Variants in TUBA3D observed in about 807,000 individuals in gnomAD.
The protein encoded by TUBA3D is tubulin alpha 3d.
TUBA3D carries 24 observed loss-of-function variants against 36.1 expected under a neutral mutation model. That is an observed-to-expected ratio of 0.66 (90% CI 0.48 to 0.93). TUBA3D has a LOEUF of 0.93. Among genes scored for constraint, TUBA3D ranks in the 40% least tolerant of loss-of-function variants. The pLI is 0.00. For missense variants in TUBA3D, 356 were observed against 614.5 expected, an observed-to-expected ratio of 0.58 and a Z score of 4.45; for synonymous variants, 185 against 247.2, an observed-to-expected ratio of 0.75 and a Z score of 2.36.
intron 4 of TUBA3D, 56 bp from the exon 5 acceptor site, chr2:131,482,496 C>T: frequency 1.3e-6 from 2 of 1,540,892 alleles, no homozygotes; most frequent in Non-Finnish European, 1.7e-6. Flanking sequence ...AAAGTAGCTA[C>T]CATTTCTAGG....
chr2:131,480,742 G>C lies in TUBA3D; in HGVS notation c.1049G>C (p.Gly350Ala). The C allele has an allele frequency of 2.5e-6, 4 of 1,609,818 alleles. No homozygotes were observed. The highest frequency in any genetic ancestry group is 3.4e-6 in the Non-Finnish European group (4 of 1,176,818). Residue 350 changes from glycine (G) to alanine (A), a missense_variant, in exon 4 of 5, where the codon GGA (glycine) becomes GCA (alanine). Around this residue, in one of 3 missense-constraint regions of TUBA3D, gnomAD observed 156 missense variants for 219.8 expected, o/e 0.71. Transcript: ENST00000321253. ...TIQFVDWCPT[G>A]FKVGINYQPP... is the part of the protein sequence containing the mutation. ...CAGTTTGTGGATTGGTGCCCGACTG[G>C]ATTTAAGGTATGACTGGGTGATGTG... is the stretch of plus-strand genomic sequence containing the variant.
chr2:131,481,168 T>C (rs1427285603), intron 4 of TUBA3D, among the ~76,000 whole-genome samples: 1 of 151,834 alleles, frequency 6.6e-6, no homozygotes, highest in African/African-American at 2.4e-5. Flanking sequence ...CCTCCCAAAG[T>C]GCTGGGATTA....
At chr2:131,480,875 T>C in intron 4 of TUBA3D, 126 bp downstream of exon 4, 3 of 1,351,152 alleles carry the variant, frequency 2.2e-6, no homozygotes, top group Non-Finnish European at 2.0e-6. Flanking sequence ...GGGCATAAAT[T>C]AGTGAACCAG....
intron 3 of TUBA3D, among the ~76,000 whole-genome samples, chr2:131,479,866 G>T (rs958228661): frequency 2.6e-5 from 4 of 152,146 alleles, no homozygotes; most frequent in African/African-American, 9.7e-5. Flanking sequence ...ACTTAGACCA[G>T]CATCTTGAGT....
Position 131,478,162 on chromosome 2 carries a change from A to G in TUBA3D, c.4-2A>G, listed in dbSNP as rs777842519. The stretch of plus-strand genomic sequence containing the variant: ...GGTTCACTTTTATGTTCCTGTTCAC[A>G]GCGCGAGTGTATCTCTATCCACGTG... On this transcript the variant is annotated splice_acceptor_variant, in intron 1 of 4. Coordinates refer to ENST00000321253, the MANE Select transcript of TUBA3D (RefSeq NM_080386.4). LOFTEE classifies it high-confidence loss of function. 165 of 1,611,942 alleles carry G rather than the reference A, an allele frequency of 1.0e-4. No individual in the cohort carries two copies. The highest frequency in any genetic ancestry group is 1.4e-4 in the Non-Finnish European group (161 of 1,178,232).
At chr2:131,480,910 C>CTTT (rs375835410) in intron 4 of TUBA3D, among the ~76,000 whole-genome samples, 161 bp downstream of exon 4, 3 of 146,086 alleles carry the variant, frequency 2.1e-5, no homozygotes, top group African/African-American at 5.0e-5. Context: ...TCAGTGATTT[C>CTTT]TTTTTTTTTT....
rs7561673 is a variant in TUBA3D at position 131,476,182 on chromosome 2, G to A, written c.-18G>A. 157,238 of 1,605,104 alleles carry A rather than the reference G, an allele frequency of 0.098. 12,690 individuals are homozygous for A. Among genetic ancestry groups the A allele is most frequent in the African/African-American group, 0.42 (31,301 of 73,928 alleles). On this transcript the variant is annotated 5_prime_UTR_variant, in exon 1 of 5. Coordinates refer to ENST00000321253, the MANE Select transcript of TUBA3D (RefSeq NM_080386.4). ...TGAGGTCTGGCAGTAGCGTTGGGCT[G>A]AAGCAGCGGAGTTCGCCATGGTAAG...
intron 2 of TUBA3D, among the ~76,000 whole-genome samples, 179 bp from the exon 3 acceptor site, chr2:131,479,129 A>G (rs1678765354): frequency 6.6e-6 from 1 of 152,228 alleles, no homozygotes; most frequent in Non-Finnish European, 1.5e-5. Context: ...TAAATTGCAT[A>G]TGCAGTTTGG....
Position 131,476,243 on chromosome 2 carries a change from G to C in TUBA3D, c.3+41G>C, listed in dbSNP as rs1678663050. ...CTCCCGCCCCGCAGATGCCCAGGCA[G>C]ACGAAGTTGGCCTCGGGTGGACAGA... On this transcript the variant is annotated intron_variant, in intron 1 of 4. Transcript: ENST00000321253. 7 of 1,613,660 alleles carry C rather than the reference G, an allele frequency of 4.3e-6. 1 individual carries two copies. In the South Asian group the frequency reaches 5.5e-5, roughly 13 times the overall value.
rs746295299 is a variant in TUBA3D at position 131,482,580 on chromosome 2, T to C, written c.1085T>C (p.Val362Ala). ...KVGINYQPPT[V>A]VPGGDLAKVQ... ...GGCATTAACTACCAGCCCCCCACAG[T>C]GGTCCCCGGGGGAGACCTGGCCAAG... Residue 362 changes from valine (V) to alanine (A), a missense_variant, in exon 5 of 5, where the codon GTG becomes GCG. Val to Ala is a moderately conservative substitution (Grantham distance 64). Coordinates refer to ENST00000321253, the MANE Select transcript of TUBA3D (RefSeq NM_080386.4). 5.6e-6 allele frequency: 9 copies of C among 1,611,106 alleles called. No homozygotes were observed. The highest frequency in any genetic ancestry group is 4.2e-6 in the Non-Finnish European group (5 of 1,177,870).
chr2:131,477,798 A>G (rs1220892777), intron 1 of TUBA3D, among the ~76,000 whole-genome samples: 1 of 151,980 alleles, frequency 6.6e-6, no homozygotes, highest in Non-Finnish European at 1.5e-5. Context: ...CAACCCGACT[A>G]CCTTATCCTT....
In TUBA3D at chr2:131,482,128, G is replaced by A. The variant is rs1452999335; in HGVS notation, c.1057-424G>A. ...CATATCCACAGTGGCTTGTTCTGTG[G>A]GTCAGAAGTGGGTATGATGTTCCTT... On this transcript the variant is annotated intron_variant, in intron 4 of 4. Transcript: ENST00000321253. 3.3e-5 allele frequency among the ~76,000 whole-genome samples: 5 copies of A among 152,154 alleles called. 1 individual carries two copies. The highest frequency in any genetic ancestry group is 3.3e-4 in the Admixed American group (5 of 15,282).
In TUBA3D at chr2:131,479,394, A is replaced by G. The variant is rs751644578; in HGVS notation, c.313A>G (p.Arg105Gly). The G allele has an allele frequency of 1.2e-6, 2 of 1,614,220 alleles. No homozygotes were observed. The highest frequency in any genetic ancestry group is 4.5e-5 in the East Asian group (2 of 44,886). ...GKEDAANNYARGHYTIGKEIV... is the reference protein window; with the variant it reads ...GKEDAANNYAGGHYTIGKEIV... The stretch of plus-strand genomic sequence containing the variant: ...GGAAGATGCAGCCAATAATTACGCC[A>G]GGGGCCATTACACCATCGGCAAGGA... The change falls in exon 3 of 5, where the codon AGG (arginine) becomes GGG (glycine). Residue 105 changes from arginine to glycine, a missense_variant. This residue lies in a region of TUBA3D where 109 missense variants were observed against 153.7 expected (regional missense o/e 0.71). Transcript: ENST00000321253.
chr2:131,478,563 G>C (rs576054152), intron 2 of TUBA3D, among the ~76,000 whole-genome samples, 177 bp downstream of exon 2: 154 of 152,370 alleles, frequency 1.0e-3, no homozygotes, highest in South Asian at 4.1e-3. Context: ...GTGAGACTCG[G>C]CTCCTAATTT....
intron 2 of TUBA3D, 101 bp from the exon 3 acceptor site, chr2:131,479,207 T>TGTACA (rs1340529299): frequency 6.6e-7 from 1 of 1,514,008 alleles, no homozygotes; most frequent in Non-Finnish European, 8.9e-7. Flanking sequence ...GTCATGTACT[T>TGTACA]TGAACAGCAT....
chr2:131,480,101 C>T lies in TUBA3D; in HGVS notation c.408C>T (p.Leu136=), dbSNP rs982075840. Reference sequence around the variant, plus strand: ...TGTGCACAGGACTGCAGGGCTTCCTCATCTTCCACAGCTTTGGGGGCGGCA... The same window carrying T: ...TGTGCACAGGACTGCAGGGCTTCCTTATCTTCCACAGCTTTGGGGGCGGCA... ...ADLCTGLQGF[L]IFHSFGGGTG... Residue 136 remains leucine, a synonymous_variant, in exon 4 of 5, where the codon CTC becomes CTT. Coordinates refer to ENST00000321253, the MANE Select transcript of TUBA3D (RefSeq NM_080386.4). 1 of 1,608,494 alleles carries T rather than the reference C, an allele frequency of 6.2e-7. No homozygotes were observed. Among genetic ancestry groups the T allele is most frequent in the Non-Finnish European group, 8.5e-7 (1 of 1,177,444 alleles).
rs569698228 is a variant in TUBA3D, at chr2:131,482,663, C to T, written c.1168C>T (p.Arg390Cys). Residue 390 changes from arginine (R) to cysteine (C), a missense_variant, in exon 5 of 5, where the codon CGC becomes TGC. This residue lies in a region of TUBA3D where 156 missense variants were observed against 219.8 expected (regional missense o/e 0.71). Transcript: ENST00000321253. ...NTTAIAEAWARLDHKFDLMYA... is the reference protein window; with the variant it reads ...NTTAIAEAWACLDHKFDLMYA... ...CACGGCCATTGCGGAGGCCTGGGCC[C>T]GCCTGGACCATAAGTTCGATCTCAT... 4.4e-5 allele frequency: 71 copies of T among 1,614,152 alleles called. 1 individual carries two copies. The South Asian group carries it at 7.1e-4, about 16-fold the overall frequency.
intron 4 of TUBA3D, among the ~76,000 whole-genome samples, 161 bp downstream of exon 4, chr2:131,480,910 CTT>C (rs375835410): frequency 6.8e-6 from 1 of 146,004 alleles, no homozygotes; most frequent in African/African-American, 2.5e-5. Context: ...TCAGTGATTT[CTT>C]TTTTTTTTTT....
chr2:131,478,573 T>C, intron 2 of TUBA3D, 187 bp downstream of exon 2: 1 of 1,096,386 alleles, frequency 9.1e-7, no homozygotes, highest in East Asian at 2.6e-5. Context: ...GCTCCTAATT[T>C]AGGAAAACCT....
Sources: allele counts gnomAD v4.1 joint callset (sites outside exome capture counted in the v4.1 genomes callset), GRCh38; gene constraint gnomAD v4.1.1; regional missense constraint gnomAD v4.1.1; transcripts MANE v1.5; gene names NCBI Gene and HGNC (gene_info 2026-07-23, HGNC 2026-07-21).